Variants in TMCO4 observed in about 807,000 individuals in gnomAD.
TMCO4 encodes transmembrane and coiled-coil domains 4, also known as transmembrane and coiled-coil domain-containing protein 4.
Under a neutral mutation model 64.7 loss-of-function variants are expected in TMCO4, and 58 were observed. The ratio of observed to expected loss-of-function variants is 0.90; its 90% CI spans 0.73 to 1.12. The LOEUF is 1.12. TMCO4 is among the 50% of genes most tolerant of loss of function. The pLI is 0.00. For synonymous variants in TMCO4, 325 were observed against 346.1 expected (o/e 0.94, Z 0.68); for missense variants, 780 against 825.9 (o/e 0.94, Z 0.68).
intron 13 of TMCO4, among the ~76,000 whole-genome samples, chr1:19,706,057 T>A (rs1440883757): frequency 1.3e-5 from 2 of 152,150 alleles, no homozygotes; most frequent in African/African-American, 2.4e-5. Context: ...TCTGTCATCA[T>A]CACACCTGGC....
chr1:19,687,818 T>C (rs1171225258), intron 15 of TMCO4, among the ~76,000 whole-genome samples: 1 of 152,190 alleles, frequency 6.6e-6, no homozygotes, highest in Non-Finnish European at 1.5e-5. Flanking sequence ...GAAATTCCAC[T>C]GAGAGCTGTC....
At chr1:19,754,183 G>T (rs1236980405) in intron 7 of TMCO4, among the ~76,000 whole-genome samples, 1 of 152,166 alleles carries the variant, frequency 6.6e-6, no homozygotes, top group Non-Finnish European at 1.5e-5. Flanking sequence ...CTGACCTGGG[G>T]TTACCGGTAT....
intron 6 of TMCO4, among the ~76,000 whole-genome samples, chr1:19,759,253 G>T (rs2042397426): frequency 1.3e-5 from 2 of 151,886 alleles, no homozygotes; most frequent in African/African-American, 4.8e-5. Context: ...CATATCCTGG[G>T]TTTGACCACT....
At chr1:19,727,776 TCAC>T (rs2095414814) in intron 13 of TMCO4, among the ~76,000 whole-genome samples, 1 of 152,214 alleles carries the variant, frequency 6.6e-6, no homozygotes, top group African/African-American at 2.4e-5. Context: ...GCAGCACTAT[TCAC>T]AATAGCAAAG....
chr1:19,690,162 G>A (rs148704684), intron 15 of TMCO4, among the ~76,000 whole-genome samples: 17 of 152,152 alleles, frequency 1.1e-4, no homozygotes, highest in Non-Finnish European at 1.5e-4. Flanking sequence ...AAAACTCCTC[G>A]CCTTGCTCAC....
At chr1:19,778,330 G>A (rs1289232560) in intron 4 of TMCO4, among the ~76,000 whole-genome samples, 5 of 151,864 alleles carry the variant, frequency 3.3e-5, no homozygotes, top group East Asian at 1.9e-4. Flanking sequence ...CTGGAGTGCA[G>A]TAGCACGATC....
chr1:19,713,324 G>A (rs954446369), intron 13 of TMCO4, among the ~76,000 whole-genome samples: 1 of 152,150 alleles, frequency 6.6e-6, no homozygotes, highest in African/African-American at 2.4e-5. Flanking sequence ...TGGCTCATGT[G>A]TAGTGGGCAA....
chr1:19,776,110 G>A (rs137888339), intron 4 of TMCO4, among the ~76,000 whole-genome samples: 1 of 152,310 alleles, frequency 6.6e-6, no homozygotes, highest in Non-Finnish European at 1.5e-5. Context: ...GTTTCACCAT[G>A]TTGGCCAGGC....
chr1:19,697,168 C>T (rs114834660), intron 14 of TMCO4, among the ~76,000 whole-genome samples: 1,524 of 152,298 alleles, frequency 0.01, 15 homozygotes, highest in East Asian at 0.025. Context: ...TCTGTGCTTC[C>T]GGTCTCTGAT....
At chr1:19,722,936 A>G (rs958610577) in intron 13 of TMCO4, among the ~76,000 whole-genome samples, 2 of 151,910 alleles carry the variant, frequency 1.3e-5, no homozygotes, top group Non-Finnish European at 2.9e-5. Flanking sequence ...TATTGCTCCT[A>G]TGGGAAGAGG....
At chr1:19,691,461 G>A (rs1380530576) in intron 15 of TMCO4, among the ~76,000 whole-genome samples, 4 of 152,162 alleles carry the variant, frequency 2.6e-5, no homozygotes, top group Non-Finnish European at 5.9e-5. Flanking sequence ...GTGAAGTTTT[G>A]ATTTTGTTTT....
At chr1:19,689,987 A>T (rs1463330035) in intron 15 of TMCO4, among the ~76,000 whole-genome samples, 1 of 152,076 alleles carries the variant, frequency 6.6e-6, no homozygotes, top group East Asian at 1.9e-4. Context: ...CCCACATGAA[A>T]CCTGTGACCC....
chr1:19,728,364 G>A (rs141926781), intron 13 of TMCO4, among the ~76,000 whole-genome samples: 1 of 152,344 alleles, frequency 6.6e-6, no homozygotes, highest in East Asian at 1.9e-4. Context: ...GGAAGAGAAT[G>A]TACATAAAAC....
intron 13 of TMCO4, among the ~76,000 whole-genome samples, chr1:19,730,633 G>A (rs1557525866): frequency 6.6e-6 from 1 of 152,226 alleles, no homozygotes; most frequent in Admixed American, 6.5e-5. Flanking sequence ...GCTGTAAGGG[G>A]CACCTTGGGA....
At chr1:19,785,473 T>C (rs2043691392) in intron 3 of TMCO4, among the ~76,000 whole-genome samples, 2 of 152,324 alleles carry the variant, frequency 1.3e-5, no homozygotes, top group East Asian at 3.9e-4. Flanking sequence ...GGACAGGACC[T>C]GGATCACTGT....
intron 13 of TMCO4, 75 bp from the exon 14 acceptor site, chr1:19,700,960 G>A (rs1258795608): frequency 8.6e-7 from 1 of 1,167,204 alleles, no homozygotes; most frequent in African/African-American, 1.5e-5. Flanking sequence ...CAACAGCAGT[G>A]GAGGAGATGA....
At chr1:19,773,814 G>C (rs1484396645) in intron 4 of TMCO4, among the ~76,000 whole-genome samples, 12 of 152,166 alleles carry the variant, frequency 7.9e-5, no homozygotes, top group Admixed American at 7.9e-4. Flanking sequence ...GACTAAAAAC[G>C]ATGTTAGCTA....
chr1:19,719,653 C>T (rs2095372518), intron 13 of TMCO4, among the ~76,000 whole-genome samples: 2 of 152,000 alleles, frequency 1.3e-5, no homozygotes, highest in Admixed American at 6.6e-5. Context: ...CTCAGTCTCC[C>T]AAGCAGCTGG....
intron 6 of TMCO4, among the ~76,000 whole-genome samples, chr1:19,760,873 G>A (rs2042469400): frequency 6.6e-6 from 1 of 152,272 alleles, no homozygotes; most frequent in Non-Finnish European, 1.5e-5. Context: ...ATGAATGAAT[G>A]ACTGAGTGGC....
Sources: allele counts gnomAD v4.1 joint callset (sites outside exome capture counted in the v4.1 genomes callset), GRCh38; gene constraint gnomAD v4.1.1; transcripts MANE v1.5; gene names NCBI Gene and HGNC (gene_info 2026-07-23, HGNC 2026-07-21).